CELF2: variants seen among roughly 807,000 people sequenced by gnomAD.
CELF2 encodes CUGBP Elav-like family member 2, also known as CUG triplet repeat RNA-binding protein 2.
Under a neutral mutation model 62.6 loss-of-function variants are expected in CELF2, and 8 were observed. The ratio of observed to expected loss-of-function variants is 0.13; its 90% CI spans 0.07 to 0.23. The LOEUF (loss-of-function observed/expected upper bound fraction) is 0.23. Ranked by LOEUF, CELF2 falls within the 10% of genes least tolerant of loss-of-function variation. The pLI, the probability that CELF2 is intolerant of heterozygous loss-of-function variation, is 1.00. For missense variants in CELF2, 333 were observed against 671.0 expected, an observed-to-expected ratio of 0.50 and a Z score of 5.56; for synonymous variants, 258 against 250.0, an observed-to-expected ratio of 1.03 and a Z score of -0.30.
the CELF2 span, among the ~76,000 whole-genome samples, chr10:10,761,388 T>G: frequency 6.6e-6 from 1 of 152,182 alleles, no homozygotes; most frequent in African/African-American, 2.4e-5. Flanking sequence ...AAAGTAGACA[T>G]GGTTGAGTAG....
At chr10:10,845,288 T>G (rs61832096) in intron 1 of CELF2, among the ~76,000 whole-genome samples, 2 of 149,526 alleles carry the variant, frequency 1.3e-5, no homozygotes, top group South Asian at 4.3e-4. Flanking sequence ...AGAAAGAAAA[T>G]GCAGTCTCAG....
chr10:10,487,950 A>G, the CELF2 span, among the ~76,000 whole-genome samples: 8 of 152,130 alleles, frequency 5.3e-5, no homozygotes, highest in Non-Finnish European at 8.8e-5. Context: ...CATAATCATT[A>G]CATAATCATT....
At chr10:11,124,131 C>T (rs1230406070) in intron 1 of CELF2, among the ~76,000 whole-genome samples, 1 of 152,142 alleles carries the variant, frequency 6.6e-6, no homozygotes, top group Non-Finnish European at 1.5e-5. Flanking sequence ...AGAACTGCCC[C>T]ATGATTCATT....
At chr10:10,520,051 C>A in the CELF2 span, among the ~76,000 whole-genome samples, 1 of 152,154 alleles carries the variant, frequency 6.6e-6, no homozygotes, top group Non-Finnish European at 1.5e-5. Flanking sequence ...TCTTCCTCTT[C>A]ATAATGGGAT....
the CELF2 span, among the ~76,000 whole-genome samples, chr10:10,626,781 A>G: frequency 6.6e-6 from 1 of 152,212 alleles, no homozygotes; most frequent in Non-Finnish European, 1.5e-5. Flanking sequence ...GGAGTCGTCA[A>G]ATCCTGAAAA....
chr10:10,906,678 G>T (rs2063360467), intron 1 of CELF2, among the ~76,000 whole-genome samples: 1 of 150,278 alleles, frequency 6.7e-6, no homozygotes, highest in Non-Finnish European at 1.5e-5. Flanking sequence ...GCAAAGTAGA[G>T]AACATACCAG....
At chr10:10,559,079 A>G in the CELF2 span, among the ~76,000 whole-genome samples, 1 of 152,190 alleles carries the variant, frequency 6.6e-6, no homozygotes, top group Non-Finnish European at 1.5e-5. Context: ...TGTGGCTACT[A>G]GAAGATTTAA....
the CELF2 span, among the ~76,000 whole-genome samples, chr10:10,621,810 G>A: frequency 6.6e-6 from 1 of 152,078 alleles, no homozygotes; most frequent in Non-Finnish European, 1.5e-5. Context: ...TGCCATAAGA[G>A]GTAAAATGGC....
chr10:10,923,295 G>T (rs1306531719), intron 2 of CELF2, among the ~76,000 whole-genome samples: 1 of 152,180 alleles, frequency 6.6e-6, no homozygotes, highest in African/African-American at 2.4e-5. Context: ...GAAGGAAGAC[G>T]GTGGCATTTG....
At chr10:10,503,688 G>A in the CELF2 span, among the ~76,000 whole-genome samples, 1 of 151,746 alleles carries the variant, frequency 6.6e-6, no homozygotes, top group African/African-American at 2.4e-5. Context: ...TTTGTTACTG[G>A]TATATTTAGA....
At chr10:10,960,822 TTTTTTC>T (rs2049415289) in intron 2 of CELF2, among the ~76,000 whole-genome samples, 2 of 152,208 alleles carry the variant, frequency 1.3e-5, no homozygotes, top group Non-Finnish European at 2.9e-5. Flanking sequence ...ATCTGCCTCC[TTTTTTC>T]TTTTTAACTG....
Position 11,145,779 on chromosome 10 carries a change from A to G in CELF2, c.75-19707A>G, listed in dbSNP as rs1043545763. Reference sequence around the variant, plus strand: ...TTTTTCTTTTTTTAGTGTCATTACCAGTATTGGTTGCACTACTGTAGCGTT... The same window carrying G: ...TTTTTCTTTTTTTAGTGTCATTACCGGTATTGGTTGCACTACTGTAGCGTT... On this transcript the variant is annotated intron_variant, in intron 1 of 12. Transcript: ENST00000633077. The surrounding 1 kb of genome is among the most constrained non-coding windows in gnomAD (Gnocchi z 4.3). 7.9e-5 allele frequency among the ~76,000 whole-genome samples: 12 copies of G among 152,178 alleles called. No individual in the cohort carries two copies. Among genetic ancestry groups the G allele is most frequent in the South Asian group, 6.2e-4 (3 of 4,834 alleles).
chr10:11,041,752 A>G (rs893352613), intron 1 of CELF2, among the ~76,000 whole-genome samples: 1 of 152,198 alleles, frequency 6.6e-6, no homozygotes, highest in African/African-American at 2.4e-5. Context: ...TGATCCTTCC[A>G]TCAGGACATA....
At chr10:10,664,187 A>G in the CELF2 span, among the ~76,000 whole-genome samples, 2 of 152,320 alleles carry the variant, frequency 1.3e-5, no homozygotes, top group East Asian at 3.9e-4. Context: ...AACTAAAAAT[A>G]ATAGGCATAT....
chr10:10,863,084 G>A (rs577966715), intron 1 of CELF2, among the ~76,000 whole-genome samples: 3 of 152,222 alleles, frequency 2.0e-5, no homozygotes, highest in Non-Finnish European at 4.4e-5. Flanking sequence ...AGAGGCTGGT[G>A]TAGCCAGAGG....
chr10:10,693,003 C>A, the CELF2 span, among the ~76,000 whole-genome samples: 2 of 140,506 alleles, frequency 1.4e-5, no homozygotes, highest in Non-Finnish European at 3.1e-5. Flanking sequence ...CCCTTTATTT[C>A]CTTCTTCTGC....
intron 2 of CELF2, among the ~76,000 whole-genome samples, chr10:10,985,384 T>C (rs2052625386): frequency 6.6e-6 from 1 of 152,074 alleles, no homozygotes; most frequent in African/African-American, 2.4e-5. Flanking sequence ...ACTTAAGTAA[T>C]TTGTAATTGA....
the CELF2 span, among the ~76,000 whole-genome samples, chr10:10,718,641 A>G: frequency 1.3e-5 from 2 of 151,754 alleles, no homozygotes; most frequent in Non-Finnish European, 2.9e-5. Flanking sequence ...AAAAAAAAAA[A>G]AAAGTTTGGC....
At chr10:10,755,688 CT>C in the CELF2 span, among the ~76,000 whole-genome samples, 1 of 152,214 alleles carries the variant, frequency 6.6e-6, no homozygotes, top group Non-Finnish European at 1.5e-5. Context: ...GCCACGCCCC[CT>C]CTTACGATGT....
Sources: allele counts gnomAD v4.1 joint callset (sites outside exome capture counted in the v4.1 genomes callset), GRCh38; gene constraint gnomAD v4.1.1; non-coding constraint Gnocchi (gnomAD v3.1); transcripts MANE v1.5; gene names NCBI Gene and HGNC (gene_info 2026-07-23, HGNC 2026-07-21).